HAUS8: variants seen among roughly 807,000 people sequenced by gnomAD.
HAUS8 encodes the protein HAUS augmin like complex subunit 8.
A neutral mutation model predicts 42.9 loss-of-function variants in HAUS8; 38 were observed. The observed-to-expected ratio is 0.89, with a 90% CI of 0.68 to 1.16. HAUS8 has a LOEUF of 1.16. Among genes scored for constraint, HAUS8 ranks in the 50% most tolerant of loss-of-function variants. The pLI, the probability that HAUS8 is intolerant of heterozygous loss-of-function variation, is 0.00. For missense variants in HAUS8, 494 were observed against 511.6 expected, an observed-to-expected ratio of 0.97 and a Z score of 0.33; for synonymous variants, 199 against 205.8, an observed-to-expected ratio of 0.97 and a Z score of 0.28.
At chr19:17,062,895 A>AT in intron 3 of HAUS8, 116 bp from the exon 4 acceptor site, 1 of 756,766 alleles carries the variant, frequency 1.3e-6, no homozygotes, top group South Asian at 1.6e-5. Flanking sequence ...CAGGGGAGAC[A>AT]TTTAAAGAGG....
In HAUS8 at chr19:17,049,849, A is replaced by T. The variant is rs1448869288; in HGVS notation, c.*24T>A. On this transcript the variant is annotated 3_prime_UTR_variant, in exon 11 of 11. Coordinates refer to ENST00000253669, the MANE Select transcript of HAUS8 (RefSeq NM_033417.2). ...TGCTACGGTAGTATATAAAGTGCTC[A>T]AGTATCCTGAATGTAACCATGAGTC... 11 of 1,442,974 alleles carry T rather than the reference A, an allele frequency of 7.6e-6. No homozygotes were observed. The highest frequency in any genetic ancestry group is 9.1e-6 in the Non-Finnish European group (10 of 1,093,064). The allele number at this position is 1,442,974 out of a possible 1,614,324, so 89.4% of individuals were successfully genotyped here.
At chr19:17,058,777 T>A in intron 7 of HAUS8, 34 bp downstream of exon 7, 1 of 1,610,094 alleles carries the variant, frequency 6.2e-7, no homozygotes, top group Non-Finnish European at 8.5e-7. Context: ...CACCCTTCCA[T>A]CCATGGCATA....
chr19:17,061,294 A>ATAATTTTT (rs1208597462), intron 4 of HAUS8, among the ~76,000 whole-genome samples: 1 of 152,008 alleles, frequency 6.6e-6, no homozygotes, highest in Non-Finnish European at 1.5e-5. Flanking sequence ...CCATGCCCAG[A>ATAATTTTT]TAATTTTTTA....
rs537568055 is a variant in HAUS8, at chr19:17,065,899, G to C, written c.148-3120C>G. On this transcript the variant is annotated intron_variant, in intron 3 of 10. Coordinates refer to ENST00000253669, the MANE Select transcript of HAUS8 (RefSeq NM_033417.2). ...TAACACGTGGAGATTCCCAAAGGGT[G>C]GTATGCCCGAACAGGCCATGGAAGC... Among the ~76,000 whole-genome samples the C allele has an allele frequency of 2.6e-5, 4 of 151,544 alleles. No individual in the cohort carries two copies. The East Asian group carries it at 7.8e-4, about 29-fold the overall frequency.
rs761305412 is a variant in HAUS8, at chr19:17,062,743, T to A, written c.184A>T (p.Met62Leu). 8.7e-6 allele frequency: 14 copies of A among 1,614,188 alleles called. No homozygotes were observed. The highest frequency in any genetic ancestry group is 1.1e-5 in the Non-Finnish European group (13 of 1,179,998). Reference sequence around the variant, plus strand: ...CTGGATTTCCTTCCACCTTCAGACATCTTCCCTCGGGTCTGTGACCCATCT... The same window carrying A: ...CTGGATTTCCTTCCACCTTCAGACAACTTCCCTCGGGTCTGTGACCCATCT... ...AGDGSQTRGK[M>L]SEGGRKSSLL... The change falls in exon 4 of 11, where the codon ATG (methionine) becomes TTG (leucine). Residue 62 changes from methionine to leucine, a missense_variant. Coordinates refer to ENST00000253669, the MANE Select transcript of HAUS8 (RefSeq NM_033417.2).
At chr19:17,056,570 T>C (rs560451437) in intron 8 of HAUS8, among the ~76,000 whole-genome samples, 8 of 151,654 alleles carry the variant, frequency 5.3e-5, no homozygotes, top group African/African-American at 1.9e-4. Context: ...CAGACACACA[T>C]ACAGACACAC....
intron 3 of HAUS8, among the ~76,000 whole-genome samples, chr19:17,063,998 G>A (rs185373138): frequency 1.6e-3 from 251 of 152,256 alleles, no homozygotes; most frequent in Middle Eastern, 0.01. Context: ...CCTTTTATAA[G>A]CCTCTCTTAT....
At chr19:17,069,137 C>G in intron 2 of HAUS8, 51 bp from the exon 3 acceptor site, 2 of 1,534,438 alleles carry the variant, frequency 1.3e-6, no homozygotes, top group Non-Finnish European at 1.8e-6. Context: ...GACCGAAGAC[C>G]CCACACACCC....
chr19:17,061,938 G>A (rs1194252128), intron 4 of HAUS8, among the ~76,000 whole-genome samples: 3 of 152,312 alleles, frequency 2.0e-5, no homozygotes, highest in East Asian at 3.9e-4. Context: ...TCTCAACCAC[G>A]CCTGGGAAGG....
intron 1 of HAUS8, chr19:17,074,643 G>T (rs1424260331): frequency 6.6e-6 from 1 of 152,516 alleles, no homozygotes; most frequent in South Asian, 2.1e-4. Context: ...GCGACCTGAG[G>T]GGGGTCCCTA....
chr19:17,059,772 T>C (rs934786593), intron 5 of HAUS8, 121 bp from the exon 6 acceptor site: 11 of 728,104 alleles, frequency 1.5e-5, no homozygotes, highest in Non-Finnish European at 2.3e-5. Flanking sequence ...GAGGAGTATA[T>C]GGACTTATAA....
intron 3 of HAUS8, among the ~76,000 whole-genome samples, chr19:17,065,227 A>T (rs1434293448): frequency 6.6e-6 from 1 of 152,226 alleles, no homozygotes; most frequent in East Asian, 1.9e-4. Context: ...GAACATAAAG[A>T]TGGTGCAGCC....
chr19:17,066,439 G>A (rs2057387616), intron 3 of HAUS8, among the ~76,000 whole-genome samples: 3 of 152,128 alleles, frequency 2.0e-5, no homozygotes, highest in Admixed American at 1.3e-4. Flanking sequence ...AAACCTAAGT[G>A]TTTCCTTGAG....
chr19:17,059,912 C>T (rs955193544), intron 5 of HAUS8, 85 bp downstream of exon 5: 9 of 957,676 alleles, frequency 9.4e-6, no homozygotes, highest in Admixed American at 1.8e-5. Context: ...TGTGACCCCA[C>T]TGTAGGCCAA....
At chr19:17,060,224 CTAAAA>C in intron 4 of HAUS8, 132 bp from the exon 5 acceptor site, 1 of 207,356 alleles carries the variant, frequency 4.8e-6, no homozygotes, top group African/African-American at 6.3e-5. Flanking sequence ...GGTGGAAAGG[CTAAAA>C]AAAAAAAAAA....
intron 5 of HAUS8, 77 bp downstream of exon 5, chr19:17,059,920 C>T (rs1169525595): frequency 9.7e-6 from 10 of 1,028,098 alleles, no homozygotes; most frequent in Non-Finnish European, 1.5e-5. Context: ...CACTGTAGGC[C>T]AATTGTACTT....
intron 2 of HAUS8, among the ~76,000 whole-genome samples, chr19:17,070,727 G>A (rs1221410589): frequency 1.3e-5 from 2 of 152,190 alleles, no homozygotes; most frequent in Non-Finnish European, 2.9e-5. Flanking sequence ...TTCGCTCGCT[G>A]CTATGTTCCA....
At chr19:17,050,429 G>A (rs2057280489) in intron 10 of HAUS8, among the ~76,000 whole-genome samples, 1 of 152,088 alleles carries the variant, frequency 6.6e-6, no homozygotes, top group South Asian at 2.1e-4. Context: ...CTGCTGTGGT[G>A]GGAGTATCTG....
At chr19:17,068,493 G>A (rs1258853486) in intron 3 of HAUS8, among the ~76,000 whole-genome samples, 7 of 152,146 alleles carry the variant, frequency 4.6e-5, no homozygotes, top group Non-Finnish European at 7.4e-5. Context: ...CAGGCTGGGC[G>A]CCAGGGCTCA....
Sources: gnomAD v4.1 joint callset for allele counts (sites outside exome capture counted in the v4.1 genomes callset) on GRCh38, gnomAD v4.1.1 for gene constraint, MANE v1.5 for transcripts, NCBI Gene and HGNC (gene_info 2026-07-23, HGNC 2026-07-21) for gene names.